The following LRRC7 variants were observed in gnomAD, a reference collection of about 807,000 sequenced individuals.
LRRC7 encodes the protein leucine rich repeat containing 7.
Under a neutral mutation model 175.7 loss-of-function variants are expected in LRRC7, and 23 were observed. That is an observed-to-expected ratio of 0.13 (90% CI 0.09 to 0.19). The LOEUF (loss-of-function observed/expected upper bound fraction) is 0.19, where lower values mean the gene tolerates loss of function less well. Among genes scored for constraint, LRRC7 ranks in the 10% least tolerant of loss-of-function variants. The pLI is 1.00. For missense variants in LRRC7, 1,354 were observed against 1,904.7 expected, an observed-to-expected ratio of 0.71 and a Z score of 5.38; for synonymous variants, 685 against 680.9, an observed-to-expected ratio of 1.01 and a Z score of -0.09.
In LRRC7 at chr1:70,130,000, T is replaced by C. The variant is rs926365658; in HGVS notation, c.*8113T>C. The C allele has an allele frequency of 1.3e-5, 2 of 152,218 alleles. No individual in the cohort carries two copies. Among genetic ancestry groups the C allele is most frequent in the African/African-American group, 4.8e-5 (2 of 41,454 alleles). The allele number at this position is 152,218 out of a possible 1,614,324, so 9.4% of individuals were successfully genotyped here. ...CTCTCCCTATTCCCTTTCTAAATTA[T>C]TAAAATCATATGCAGCCTTCAGAGC... On this transcript the variant is annotated 3_prime_UTR_variant, in exon 27 of 27. Coordinates refer to ENST00000651989, the MANE Select transcript of LRRC7 (RefSeq NM_001370785.2).
intron 5 of LRRC7, 110 bp from the exon 6 acceptor site, chr1:69,834,670 G>A (rs1680909813): frequency 3.5e-6 from 3 of 868,010 alleles, no homozygotes; most frequent in African/African-American, 1.7e-5. Flanking sequence ...CCAAAGGAGA[G>A]TTGAAAAATG....
chr1:69,758,681 C>T (rs150727691), intron 2 of LRRC7, among the ~76,000 whole-genome samples: 1 of 151,968 alleles, frequency 6.6e-6, no homozygotes, highest in Non-Finnish European at 1.5e-5. Context: ...TCAGGTAGGC[C>T]CCAGTGTCTA....
intron 20 of LRRC7, 33 bp downstream of exon 20, chr1:70,036,657 A>G (rs1403192302): frequency 1.3e-6 from 2 of 1,560,948 alleles, no homozygotes; most frequent in South Asian, 1.2e-5. Context: ...TTGTTCCCAA[A>G]CGTTTATTTT....
intron 25 of LRRC7, 54 bp from the exon 26 acceptor site, chr1:70,107,698 G>C: frequency 7.5e-7 from 1 of 1,331,932 alleles, no homozygotes; most frequent in South Asian, 1.2e-5. Context: ...ATTTGTTTAA[G>C]TAGGCCTGGT....
At chr1:69,802,912 T>C (rs1676685812) in intron 4 of LRRC7, among the ~76,000 whole-genome samples, 1 of 151,472 alleles carries the variant, frequency 6.6e-6, no homozygotes, top group Non-Finnish European at 1.5e-5. Flanking sequence ...CTGTTTGTTT[T>C]TCTTTTCACA....
intron 2 of LRRC7, among the ~76,000 whole-genome samples, chr1:69,721,890 C>A (rs1400212117): frequency 6.6e-6 from 1 of 151,612 alleles, no homozygotes; most frequent in African/African-American, 2.4e-5. Context: ...ACCATTTAAC[C>A]TTTTTTTAAG....
chr1:69,577,861 G>A (rs61782208), intron 1 of LRRC7, among the ~76,000 whole-genome samples: 27,423 of 152,014 alleles, frequency 0.18, 2,736 homozygotes, highest in East Asian at 0.35. Context: ...TTGGCGATGC[G>A]GGCTCTTTTT....
intron 9 of LRRC7, among the ~76,000 whole-genome samples, chr1:69,981,292 C>A (rs1430952530): frequency 6.6e-6 from 1 of 152,130 alleles, no homozygotes; most frequent in East Asian, 1.9e-4. Context: ...AGTTTTATTT[C>A]TTTTTTGAAT....
chr1:70,047,140 A>G (rs1156266193), intron 22 of LRRC7, among the ~76,000 whole-genome samples: 1 of 152,154 alleles, frequency 6.6e-6, no homozygotes, highest in Non-Finnish European at 1.5e-5. Context: ...GGTAAGACCA[A>G]TTTTTAAACA....
At chr1:70,092,732 G>C (rs1193012422) in intron 25 of LRRC7, among the ~76,000 whole-genome samples, 1 of 152,132 alleles carries the variant, frequency 6.6e-6, no homozygotes, top group Non-Finnish European at 1.5e-5. Context: ...CAGACATTCT[G>C]ATCTACGTTC....
intron 7 of LRRC7, among the ~76,000 whole-genome samples, chr1:69,863,545 C>T (rs1242886949): frequency 6.6e-6 from 1 of 152,080 alleles, no homozygotes. Flanking sequence ...CATTTCTATG[C>T]CCCGCATTGT....
At chr1:69,892,210 A>G (rs996781660) in intron 7 of LRRC7, among the ~76,000 whole-genome samples, 1 of 152,204 alleles carries the variant, frequency 6.6e-6, no homozygotes, top group African/African-American at 2.4e-5. Flanking sequence ...CAGAGAAAAT[A>G]GTGGATGTAG....
intron 8 of LRRC7, among the ~76,000 whole-genome samples, chr1:69,958,759 G>T (rs12032951): frequency 0.056 from 8,498 of 152,022 alleles, 230 homozygotes; most frequent in South Asian, 0.1. Flanking sequence ...CAGACTAATT[G>T]TATCCCCAAT....
chr1:70,038,982 G>A lies in LRRC7; in HGVS notation c.3158G>A (p.Gly1053Glu), dbSNP rs777039171. ...ATGCTCACCTACGGAAGTAGTAAGG[G>A]GCCACAACAACAAAAAGCTTCTATG... ...DEMLTYGSSK[G>E]PQQQKASMTK... The change falls in exon 21 of 27, where the codon GGG (glycine) becomes GAG (glutamate). Residue 1053 changes from glycine (G) to glutamate (E), a missense_variant. This residue lies in a region of LRRC7 where 1,032 missense variants were observed against 1,227.2 expected (regional missense o/e 0.84). Coordinates refer to ENST00000651989, the MANE Select transcript of LRRC7 (RefSeq NM_001370785.2). 14 of 1,613,794 alleles carry A rather than the reference G, an allele frequency of 8.7e-6. No homozygotes were observed. In the South Asian group the frequency reaches 1.4e-4, roughly 16 times the overall value.
intron 8 of LRRC7, among the ~76,000 whole-genome samples, chr1:69,945,709 C>A (rs1249343761): frequency 1.3e-5 from 2 of 152,052 alleles, no homozygotes; most frequent in Non-Finnish European, 2.9e-5. Context: ...GTGTACACAT[C>A]TTTCACCTCT....
chr1:69,857,804 A>G (rs1185457973), intron 7 of LRRC7, among the ~76,000 whole-genome samples: 2 of 152,150 alleles, frequency 1.3e-5, no homozygotes, highest in African/African-American at 2.4e-5. Context: ...CATTGCCAAG[A>G]CAATCCTAAG....
At chr1:69,642,578 C>T (rs1444756819) in intron 1 of LRRC7, among the ~76,000 whole-genome samples, 2 of 151,926 alleles carry the variant, frequency 1.3e-5, no homozygotes, top group African/African-American at 2.4e-5. Context: ...TTTGCTCTAA[C>T]GTGCCTCTCA....
At chr1:69,997,533 G>A (rs1655107847) in intron 11 of LRRC7, among the ~76,000 whole-genome samples, 1 of 151,992 alleles carries the variant, frequency 6.6e-6, no homozygotes, top group South Asian at 2.1e-4. Flanking sequence ...TATTGGCTGT[G>A]GATTTGTCAT....
At position 69,781,948 on chromosome 1, in the gene LRRC7, A is replaced by AAAAG. The variant is rs749643301; in HGVS notation, c.304-10079_304-10076dup. Among the ~76,000 whole-genome samples, 55 of 135,878 alleles carry AAAAG rather than the reference A, an allele frequency of 4.0e-4. 1 individual carries two copies. Among genetic ancestry groups the AAAAG allele is most frequent in the South Asian group, 1.1e-3 (5 of 4,390 alleles). The allele number at this position is 135,878 out of a possible 152,430, so 89.1% of individuals were successfully genotyped here. A position where few individuals can be genotyped will look rare whatever the true frequency, so the allele number is the denominator to read the frequency against. On this transcript the variant is annotated intron_variant, in intron 3 of 26. Transcript: ENST00000651989. ...AGAAAGAAAGAAAGAAAGAGAAAAGAAAAGAAAGAAAGAAAGAAAAAGAAA... is the reference window on the plus strand; with the variant it reads ...AGAAAGAAAGAAAGAAAGAGAAAAGAAAAGAAAGAAAGAAAGAAAGAAAAAGAAA...
Sources: gnomAD v4.1 joint callset for allele counts (sites outside exome capture counted in the v4.1 genomes callset) on GRCh38, gnomAD v4.1.1 for gene constraint, gnomAD v4.1.1 regional missense constraint, MANE v1.5 for transcripts, NCBI Gene and HGNC (gene_info 2026-07-23, HGNC 2026-07-21) for gene names.